Variants in ZMIZ1 observed in about 807,000 individuals in gnomAD.
The protein encoded by ZMIZ1 is zinc finger MIZ-type containing 1.
ZMIZ1 carries 17 observed loss-of-function variants against 113.9 expected under a neutral mutation model. That is an observed-to-expected ratio of 0.15 (90% CI 0.10 to 0.22). ZMIZ1 has a LOEUF of 0.22. Ranked by LOEUF, ZMIZ1 falls within the 10% of genes least tolerant of loss-of-function variation. ZMIZ1 has a pLI of 1.00. For missense variants in ZMIZ1, 1,059 were observed against 1,477.8 expected, an observed-to-expected ratio of 0.72 and a Z score of 4.65; for synonymous variants, 607 against 603.1, an observed-to-expected ratio of 1.01 and a Z score of -0.09.
chr10:79,078,861 T>A (rs1002326100), intron 1 of ZMIZ1, among the ~76,000 whole-genome samples: 1 of 152,026 alleles, frequency 6.6e-6, no homozygotes, highest in African/African-American at 2.4e-5. Flanking sequence ...ACCCTTTTTT[T>A]AATGCAAAAT....
intron 1 of ZMIZ1, among the ~76,000 whole-genome samples, chr10:79,100,447 A>G (rs1226737140): frequency 6.6e-6 from 1 of 151,926 alleles, no homozygotes; most frequent in African/African-American, 2.4e-5. Context: ...GAAAAAAAAA[A>G]AAAAAAAAGA....
In ZMIZ1 at chr10:79,312,166, C is replaced by G. The variant is rs1271284922; in HGVS notation, c.3097-476C>G. Among the ~76,000 whole-genome samples the G allele has an allele frequency of 2.6e-5, 4 of 152,260 alleles. No homozygotes were observed. In the South Asian group the frequency reaches 8.3e-4, roughly 31 times the overall value. On this transcript the variant is annotated intron_variant, in intron 24 of 24. Coordinates refer to ENST00000334512, the MANE Select transcript of ZMIZ1 (RefSeq NM_020338.4). Reference sequence around the variant, plus strand: ...ACAGGGAAGGATGGCTGCCAGCCAGCCACAGGCTCACCAAGGAGTGGCGAG... The same window carrying G: ...ACAGGGAAGGATGGCTGCCAGCCAGGCACAGGCTCACCAAGGAGTGGCGAG...
intron 4 of ZMIZ1, among the ~76,000 whole-genome samples, chr10:79,175,598 G>GTGTATGTGTGTGTA (rs1564699164): frequency 8.9e-6 from 1 of 112,640 alleles, no homozygotes; most frequent in African/African-American, 4.7e-5. Flanking sequence ...GTGTGTGTGT[G>GTGTATGTGTGTGTA]TGTGTGTGTG....
At chr10:79,193,855 G>A (rs1332744545) in intron 4 of ZMIZ1, among the ~76,000 whole-genome samples, 1 of 152,192 alleles carries the variant, frequency 6.6e-6, no homozygotes, top group Non-Finnish European at 1.5e-5. Flanking sequence ...GCCCCACGTT[G>A]GGGACAAGGG....
chr10:79,119,070 T>TGGGG (rs1166281441), intron 2 of ZMIZ1, 46 bp downstream of exon 2: 3 of 152,346 alleles, frequency 2.0e-5, no homozygotes, highest in Middle Eastern at 3.2e-3. Flanking sequence ...CCTGCTGACG[T>TGGGG]GGGGCAGACA....
At chr10:79,162,834 G>C (rs570132415) in intron 4 of ZMIZ1, among the ~76,000 whole-genome samples, 2 of 152,286 alleles carry the variant, frequency 1.3e-5, no homozygotes, top group East Asian at 3.9e-4. Context: ...ACCAGTGCCA[G>C]GATGGACACG....
chr10:79,259,178 C>T (rs748223934), intron 7 of ZMIZ1, among the ~76,000 whole-genome samples: 40 of 152,290 alleles, frequency 2.6e-4, no homozygotes, highest in Non-Finnish European at 4.7e-4. Context: ...AGGCCCTGCC[C>T]GGCTCCTGGA....
chr10:79,136,487 A>C (rs1275811698), intron 2 of ZMIZ1, among the ~76,000 whole-genome samples: 1 of 152,214 alleles, frequency 6.6e-6, no homozygotes, highest in Non-Finnish European at 1.5e-5. Context: ...TTTCATCAGA[A>C]GGGGGCCTAC....
intron 4 of ZMIZ1, among the ~76,000 whole-genome samples, chr10:79,176,150 A>G (rs1012568397): frequency 4.6e-5 from 7 of 152,126 alleles, no homozygotes; most frequent in South Asian, 4.2e-4. Context: ...CGGAGGCCCA[A>G]CGGGCCAGGA....
intron 1 of ZMIZ1, among the ~76,000 whole-genome samples, chr10:79,070,373 C>T (rs910676777): frequency 6.6e-6 from 1 of 152,242 alleles, no homozygotes; most frequent in African/African-American, 2.4e-5. Context: ...GGGGCGGCCG[C>T]CTTCCCGGCC....
intron 23 of ZMIZ1, 63 bp downstream of exon 23, chr10:79,307,634 G>C (rs1041760294): frequency 1.9e-6 from 3 of 1,552,002 alleles, no homozygotes; most frequent in South Asian, 2.3e-5. Context: ...CTTGGGATCT[G>C]GATACCCTGT....
chr10:79,300,290 G>T (rs1854204953), intron 16 of ZMIZ1, among the ~76,000 whole-genome samples: 1 of 152,150 alleles, frequency 6.6e-6, no homozygotes, highest in Admixed American at 6.5e-5. Flanking sequence ...GCGTCCTTGG[G>T]GGGCCTCCTT....
chr10:79,122,997 C>A (rs1844364033), intron 2 of ZMIZ1, among the ~76,000 whole-genome samples: 2 of 152,224 alleles, frequency 1.3e-5, no homozygotes, highest in African/African-American at 4.8e-5. Context: ...CAGACTAGCG[C>A]CCAGCCCTGC....
intron 3 of ZMIZ1, among the ~76,000 whole-genome samples, chr10:79,149,840 C>T (rs1337404770): frequency 1.3e-5 from 2 of 152,230 alleles, no homozygotes; most frequent in African/African-American, 4.8e-5. Flanking sequence ...GGCAGGGATT[C>T]AATCAGGGGC....
chr10:79,114,379 G>T (rs1843897957), intron 1 of ZMIZ1, among the ~76,000 whole-genome samples: 1 of 152,230 alleles, frequency 6.6e-6, no homozygotes, highest in Non-Finnish European at 1.5e-5. Flanking sequence ...GAGGATGGAG[G>T]TTGAGTGAGT....
At position 79,297,698 on chromosome 10, in the gene ZMIZ1, C is replaced by G. The variant is rs1589593290; in HGVS notation, c.1491+8C>G. 2 of 1,612,346 alleles carry G rather than the reference C, an allele frequency of 1.2e-6. No homozygotes were observed. Among genetic ancestry groups the G allele is most frequent in the Non-Finnish European group, 1.7e-6 (2 of 1,178,518 alleles). ...CAAGGGAATGTCAACAGGGTATGTT[C>G]CAATTTAATTTACAAATTCTAAGCC... is the stretch of plus-strand genomic sequence containing the variant. On this transcript the variant is annotated splice_region_variant and intron_variant, in intron 14 of 24. Transcript: ENST00000334512.
rs945052560 is a variant in ZMIZ1, at chr10:79,296,724, G to A, written c.1413+71G>A. 30 of 1,429,354 alleles carry A rather than the reference G, an allele frequency of 2.1e-5. No homozygotes were observed. The highest frequency in any genetic ancestry group is 5.8e-5 in the African/African-American group (4 of 68,760). The allele number at this position is 1,429,354 out of a possible 1,614,324, so 88.5% of individuals were successfully genotyped here. A position where few individuals can be genotyped will look rare whatever the true frequency, so the allele number is the denominator to read the frequency against. On this transcript the variant is annotated intron_variant, in intron 13 of 24. Coordinates refer to ENST00000334512, the MANE Select transcript of ZMIZ1 (RefSeq NM_020338.4). This position sits in a 1 kb window ranked among gnomAD's most constrained non-coding sequence, Gnocchi z 4.1. ...ACCACCTCACTCCCCTAACTCCACCGGGATCACTCTGACCCTGCGTGTGTT... is the reference window on the plus strand; with the variant it reads ...ACCACCTCACTCCCCTAACTCCACCAGGATCACTCTGACCCTGCGTGTGTT...
chr10:79,211,899 C>T (rs1343369785), intron 6 of ZMIZ1, among the ~76,000 whole-genome samples: 1 of 152,244 alleles, frequency 6.6e-6, no homozygotes, highest in Non-Finnish European at 1.5e-5. Context: ...AACCGGGTTT[C>T]ACATCAGCAG....
chr10:79,139,641 C>T (rs1845177024), intron 2 of ZMIZ1, 41 bp from the exon 3 acceptor site: 2 of 398,432 alleles, frequency 5.0e-6, no homozygotes, highest in Non-Finnish European at 8.9e-6. Flanking sequence ...GGCACACCGG[C>T]CTGCTCTCAC....
Sources: gnomAD v4.1 joint callset for allele counts (sites outside exome capture counted in the v4.1 genomes callset) on GRCh38, gnomAD v4.1.1 for gene constraint, Gnocchi (gnomAD v3.1) non-coding constraint, MANE v1.5 for transcripts, NCBI Gene and HGNC (gene_info 2026-07-23, HGNC 2026-07-21) for gene names.